The following RGS3 variants were observed in gnomAD, a reference collection of about 807,000 sequenced individuals.
RGS3 encodes the protein regulator of G-protein signalling 3.
In RGS3, 80 loss-of-function variants were observed where a neutral mutation model predicts 132.6. The observed-to-expected ratio is 0.60, with a 90% CI of 0.50 to 0.73. The LOEUF is 0.73. Among genes scored for constraint, RGS3 ranks in the 30% least tolerant of loss-of-function variants. The pLI is 0.00. For missense variants in RGS3, 1,382 were observed against 1,530.8 expected, an observed-to-expected ratio of 0.90 and a Z score of 1.62; for synonymous variants, 598 against 620.6, an observed-to-expected ratio of 0.96 and a Z score of 0.54.
chr9:113,567,414 A>T (rs1010193470), intron 19 of RGS3, among the ~76,000 whole-genome samples: 1 of 152,148 alleles, frequency 6.6e-6, no homozygotes, highest in African/African-American at 2.4e-5. Flanking sequence ...GGCCTGGGGC[A>T]TGGTTGGAGA....
chr9:113,564,072 C>A (rs1833897262), intron 19 of RGS3, among the ~76,000 whole-genome samples: 1 of 152,204 alleles, frequency 6.6e-6, no homozygotes, highest in Admixed American at 6.5e-5. Context: ...GCCCAGGGTG[C>A]ATTTGTCAAC....
intron 19 of RGS3, among the ~76,000 whole-genome samples, chr9:113,575,541 T>C (rs1834477985): frequency 6.6e-6 from 1 of 152,154 alleles, no homozygotes; most frequent in African/African-American, 2.4e-5. Context: ...AGGTCATGCC[T>C]CTTCTGCACA....
chr9:113,509,751 G>A (rs1026749730), intron 14 of RGS3, among the ~76,000 whole-genome samples: 1 of 152,086 alleles, frequency 6.6e-6, no homozygotes, highest in Non-Finnish European at 1.5e-5. Context: ...TGCTTCTAGG[G>A]GGTAGTTGGA....
intron 19 of RGS3, among the ~76,000 whole-genome samples, chr9:113,560,041 A>T (rs758581490): frequency 6.6e-6 from 1 of 152,166 alleles, no homozygotes; most frequent in Non-Finnish European, 1.5e-5. Flanking sequence ...GGAAACTGAG[A>T]CTCAGAGATA....
In RGS3 at chr9:113,595,479, G is replaced by C. The variant is rs1358897144; in HGVS notation, c.3245-120G>C. ...CCCAGGGCTCCTGGCTGTCGGGGAC[G>C]GGCATTGTACTCAGCTCCCAGCACG... On this transcript the variant is annotated intron_variant, in intron 23 of 24. Coordinates refer to ENST00000350696, the Ensembl canonical transcript of RGS3. The C allele has an allele frequency of 2.7e-6, 3 of 1,107,944 alleles. No homozygotes were observed. The African/African-American group carries it at 4.7e-5, about 17-fold the overall frequency. The allele number at this position is 1,107,944 out of a possible 1,614,324, so 68.6% of individuals were successfully genotyped here.
chr9:113,479,659 A>G (rs1484937104), intron 4 of RGS3, 118 bp downstream of exon 2: 22 of 883,432 alleles, frequency 2.5e-5, no homozygotes, highest in Non-Finnish European at 3.5e-5. Flanking sequence ...TCATCCTTGT[A>G]TAAAGGATGT....
chr9:113,486,649 C>T (rs778599800), intron 7 of RGS3, among the ~76,000 whole-genome samples: 5 of 152,170 alleles, frequency 3.3e-5, no homozygotes, highest in Non-Finnish European at 7.3e-5. Context: ...GTATCATTTG[C>T]GGAGCAATCA....
chr9:113,568,346 A>G (rs528865282), intron 19 of RGS3, among the ~76,000 whole-genome samples: 206 of 152,352 alleles, frequency 1.4e-3, no homozygotes, highest in African/African-American at 4.7e-3. Flanking sequence ...TGTGCAATAG[A>G]CAAAGCCCCT....
chr9:113,517,192 C>T (rs942001574), intron 15 of RGS3: 5 of 469,050 alleles, frequency 1.1e-5, no homozygotes, highest in Non-Finnish European at 1.6e-5. Context: ...TGGGGGATGG[C>T]GGGGGCTGGG....
intron 7 of RGS3, among the ~76,000 whole-genome samples, chr9:113,491,061 A>G (rs1196225826): frequency 7.2e-6 from 1 of 139,344 alleles, no homozygotes; most frequent in East Asian, 2.0e-4. Flanking sequence ...CTTAATTATA[A>G]TTATATATTG....
chr9:113,467,375 C>T (rs1403174008), intron 3 of RGS3, among the ~76,000 whole-genome samples: 1 of 152,188 alleles, frequency 6.6e-6, no homozygotes, highest in Non-Finnish European at 1.5e-5. Flanking sequence ...GGTTTTTCCA[C>T]ATTCCTTACC....
intron 3 of RGS3, among the ~76,000 whole-genome samples, chr9:113,467,637 C>T (rs956879694): frequency 1.3e-5 from 2 of 152,094 alleles, no homozygotes; most frequent in Middle Eastern, 3.4e-3. Context: ...GCTCCTTAAC[C>T]GATATATGAT....
rs1831201072 is a variant in RGS3, at chr9:113,507,743, G to A, written c.1437+105G>A. The A allele has an allele frequency of 1.8e-5, 17 of 926,072 alleles. No individual in the cohort carries two copies. The highest frequency in any genetic ancestry group is 6.2e-5 in the Admixed American group (2 of 32,318). The allele number at this position is 926,072 out of a possible 1,614,324, so 57.4% of individuals were successfully genotyped here. A position where few individuals can be genotyped will look rare whatever the true frequency, so the allele number is the denominator to read the frequency against. Reference sequence around the variant, plus strand: ...TGTGATGAGCAGCCTGTGAGGGGCTGCGATGTTGGGCAAGGAGATGGGGTA... The same window carrying A: ...TGTGATGAGCAGCCTGTGAGGGGCTACGATGTTGGGCAAGGAGATGGGGTA... On this transcript the variant is annotated intron_variant, in intron 13 of 24. Coordinates refer to ENST00000350696, the Ensembl canonical transcript of RGS3. The surrounding 1 kb of genome is among the most constrained non-coding windows in gnomAD (Gnocchi z 5.0).
At chr9:113,477,148 C>T (rs113339573) in intron 3 of RGS3, among the ~76,000 whole-genome samples, 2 of 152,138 alleles carry the variant, frequency 1.3e-5, no homozygotes, top group African/African-American at 4.8e-5. Flanking sequence ...CGTCAGTTCT[C>T]CCGGCGCCTT....
At chr9:113,544,797 C>G (rs771114710) in intron 19 of RGS3, among the ~76,000 whole-genome samples, 1 of 152,200 alleles carries the variant, frequency 6.6e-6, no homozygotes, top group Non-Finnish European at 1.5e-5. Flanking sequence ...GCCTTTGAAC[C>G]TAATCTACCA....
chr9:113,595,790 G>T (rs544621976), intron 24 of RGS3, 25 bp downstream of exon 22: 2 of 1,607,102 alleles, frequency 1.2e-6, no homozygotes, highest in Non-Finnish European at 1.7e-6. Flanking sequence ...CAGACCCTCC[G>T]CTCCTCCAAT....
At chr9:113,505,400 G>C in intron 10 of RGS3, 42 bp from the exon 9 acceptor site, 1 of 1,583,048 alleles carries the variant, frequency 6.3e-7, no homozygotes, top group Non-Finnish European at 8.7e-7. Flanking sequence ...AGAGGCAAGA[G>C]CCTCCAGCTT....
intron 19 of RGS3, among the ~76,000 whole-genome samples, chr9:113,550,770 T>G (rs918178253): frequency 1.3e-5 from 2 of 152,256 alleles, no homozygotes; most frequent in African/African-American, 4.8e-5. Flanking sequence ...TTGTGTTGCC[T>G]CTTTTGGGAA....
At chr9:113,553,459 A>AAAAAAAAATATAT (rs1426114805) in intron 19 of RGS3, among the ~76,000 whole-genome samples, 9 of 58,688 alleles carry the variant, frequency 1.5e-4, no homozygotes, top group Admixed American at 2.7e-4. Context: ...AAAAAAAAAA[A>AAAAAAAAATATAT]ATATATATAT....
Sources: allele counts gnomAD v4.1 joint callset (sites outside exome capture counted in the v4.1 genomes callset), GRCh38; gene constraint gnomAD v4.1.1; non-coding constraint Gnocchi (gnomAD v3.1); transcripts MANE v1.5; gene names NCBI Gene and HGNC (gene_info 2026-07-23, HGNC 2026-07-21).